Variants in EEFSEC observed in about 807,000 individuals in gnomAD.
EEFSEC encodes eukaryotic elongation factor, selenocysteine-tRNA specific.
A neutral mutation model predicts 42.1 loss-of-function variants in EEFSEC; 43 were observed. The ratio of observed to expected loss-of-function variants is 1.02; its 90% CI spans 0.80 to 1.32. The LOEUF (loss-of-function observed/expected upper bound fraction) is 1.32. Ranked by LOEUF, EEFSEC falls within the 40% of genes most tolerant of loss-of-function variation. The pLI, the probability that EEFSEC is intolerant of heterozygous loss-of-function variation, is 0.00. For synonymous variants in EEFSEC, 354 were observed against 339.1 expected, an observed-to-expected ratio of 1.04 and a Z score of -0.48; for missense variants, 745 against 803.6, an observed-to-expected ratio of 0.93 and a Z score of 0.88.
chr3:128,204,697 T>C (rs1168107616), intron 1 of EEFSEC, among the ~76,000 whole-genome samples: 1 of 152,064 alleles, frequency 6.6e-6, no homozygotes, highest in Non-Finnish European at 1.5e-5. Flanking sequence ...AGCAGCAGGA[T>C]GTGTGTTGGT....
In EEFSEC at chr3:128,246,835, G is replaced by T. The variant is rs199938947; in HGVS notation, c.317-1G>T. On this transcript the variant is annotated splice_acceptor_variant, in intron 1 of 6. Coordinates refer to ENST00000254730, the MANE Select transcript of EEFSEC (RefSeq NM_021937.5). LOFTEE classifies it high-confidence loss of function. ...TCTAACCTTCTCTTCTCTTATTCCA[G>T]GGGCCCAGATCATTGATCTGATGAT... 1 of 1,613,532 alleles carries T rather than the reference G, an allele frequency of 6.2e-7. No homozygotes were observed. Among genetic ancestry groups the T allele is most frequent in the African/African-American group, 1.3e-5 (1 of 75,018 alleles).
At chr3:128,391,252 T>C (rs2067909371) in intron 6 of EEFSEC, among the ~76,000 whole-genome samples, 2 of 152,276 alleles carry the variant, frequency 1.3e-5, no homozygotes. Flanking sequence ...AAGCAGTGGC[T>C]GGTGCTGTGC....
At chr3:128,262,669 G>C (rs112489363) in intron 3 of EEFSEC, among the ~76,000 whole-genome samples, 4 of 152,334 alleles carry the variant, frequency 2.6e-5, no homozygotes, top group African/African-American at 9.6e-5. Context: ...CAACAGCAGG[G>C]GCAATGCAGC....
intron 4 of EEFSEC, among the ~76,000 whole-genome samples, chr3:128,269,476 C>T (rs973686225): frequency 6.6e-6 from 1 of 152,238 alleles, no homozygotes; most frequent in Non-Finnish European, 1.5e-5. Context: ...TATTGGGCAC[C>T]GGGACATGGG....
In EEFSEC at chr3:128,357,461, G is replaced by A. The variant is rs1182051380; in HGVS notation, c.1444-756G>A. 2.6e-5 allele frequency among the ~76,000 whole-genome samples: 4 copies of A among 152,276 alleles called. No individual in the cohort carries two copies. In the East Asian group the frequency reaches 5.8e-4, roughly 22 times the overall value. ...AAAGACCTGGCCATGGCCAACAGGG[G>A]CCAGGGAAACGAGCAATTCTGCCTG... On this transcript the variant is annotated intron_variant, in intron 5 of 6. Transcript: ENST00000254730.
At chr3:128,227,849 T>G (rs1435359764) in intron 1 of EEFSEC, among the ~76,000 whole-genome samples, 1 of 152,198 alleles carries the variant, frequency 6.6e-6, no homozygotes, top group Admixed American at 6.5e-5. Flanking sequence ...TGGGGTCTTC[T>G]CCAAGTGGAT....
At chr3:128,379,351 G>A (rs1011468802) in intron 6 of EEFSEC, among the ~76,000 whole-genome samples, 14 of 152,188 alleles carry the variant, frequency 9.2e-5, no homozygotes, top group African/African-American at 2.7e-4. Flanking sequence ...GAACCCCATC[G>A]AAGAACTGTT....
At chr3:128,154,977 A>G (rs1316145740) in intron 1 of EEFSEC, among the ~76,000 whole-genome samples, 1 of 152,224 alleles carries the variant, frequency 6.6e-6, no homozygotes, top group Admixed American at 6.5e-5. Flanking sequence ...TTAATTATAC[A>G]TGTAATACAT....
At chr3:128,287,032 C>T (rs1304344522) in intron 4 of EEFSEC, among the ~76,000 whole-genome samples, 1 of 152,192 alleles carries the variant, frequency 6.6e-6, no homozygotes, top group Non-Finnish European at 1.5e-5. Flanking sequence ...TCACAGTTCA[C>T]CCTTACCACT....
intron 6 of EEFSEC, among the ~76,000 whole-genome samples, chr3:128,388,953 G>T (rs1368298164): frequency 2.0e-5 from 3 of 152,208 alleles, no homozygotes; most frequent in African/African-American, 7.2e-5. Context: ...CTGAGGAACT[G>T]CCTGGACTGT....
intron 6 of EEFSEC, among the ~76,000 whole-genome samples, chr3:128,406,291 C>T (rs943901911): frequency 5.9e-5 from 9 of 152,172 alleles, no homozygotes; most frequent in African/African-American, 2.2e-4. Context: ...ATCTCACTTA[C>T]ATGTGGTATC....
chr3:128,404,233 C>T (rs1305793404), intron 6 of EEFSEC, among the ~76,000 whole-genome samples: 1 of 152,238 alleles, frequency 6.6e-6, no homozygotes, highest in Non-Finnish European at 1.5e-5. Context: ...GTCCAGGTCT[C>T]CCTTTGGTCA....
chr3:128,372,172 G>A (rs2067661548), intron 6 of EEFSEC, among the ~76,000 whole-genome samples: 1 of 152,230 alleles, frequency 6.6e-6, no homozygotes, highest in African/African-American at 2.4e-5. Context: ...ATTTTAGGCA[G>A]TGGAAAGTGG....
intron 6 of EEFSEC, among the ~76,000 whole-genome samples, chr3:128,399,565 G>A (rs1284641848): frequency 6.6e-6 from 1 of 152,080 alleles, no homozygotes; most frequent in Admixed American, 6.5e-5. Context: ...TAGCTGGGAG[G>A]GAAGGAGAGA....
At chr3:128,360,704 T>G in intron 6 of EEFSEC, among the ~76,000 whole-genome samples, 3 of 136,462 alleles carry the variant, frequency 2.2e-5, no homozygotes, top group East Asian at 2.1e-4. Context: ...GGGGTAGGAG[T>G]GGAGGGAGCC....
chr3:128,238,510 C>T (rs558659088), intron 1 of EEFSEC, among the ~76,000 whole-genome samples: 5 of 152,172 alleles, frequency 3.3e-5, no homozygotes, highest in East Asian at 3.9e-4. Flanking sequence ...GGCTGTTATT[C>T]GGGGTTTTTT....
intron 4 of EEFSEC, among the ~76,000 whole-genome samples, chr3:128,294,391 AG>A (rs1244485678): frequency 6.6e-6 from 1 of 152,224 alleles, no homozygotes; most frequent in East Asian, 1.9e-4. Flanking sequence ...AGAGGGGAAA[AG>A]TGAATTAAGT....
intron 1 of EEFSEC, among the ~76,000 whole-genome samples, chr3:128,157,434 G>T (rs948506583): frequency 2.6e-5 from 4 of 152,236 alleles, no homozygotes; most frequent in African/African-American, 9.6e-5. Context: ...CTTATATGGA[G>T]AAGATGCTAT....
rs749352896 is a variant in EEFSEC, at chr3:128,341,320, C to T, written c.874C>T (p.Gln292Ter). 6.2e-7 allele frequency: 1 copy of T among 1,614,204 alleles called. No individual in the cohort carries two copies. Among genetic ancestry groups the T allele is most frequent in the Non-Finnish European group, 8.5e-7 (1 of 1,180,034 alleles). The change falls in exon 5 of 7, where the codon CAG becomes TAG. Residue 292 changes from glutamine to a stop codon, truncating the protein, a stop_gained. Coordinates refer to ENST00000254730, the MANE Select transcript of EEFSEC (RefSeq NM_021937.5). LOFTEE classifies it high-confidence loss of function. ...AGACCGGCTGGGCATCTGCGTCACCCAGTTTGACCCTAAGCTGCTGGAGCG... is the reference window on the plus strand; with the variant it reads ...AGACCGGCTGGGCATCTGCGTCACCTAGTTTGACCCTAAGCTGCTGGAGCG... ...QGDRLGICVT[Q>*]FDPKLLERGL... is the part of the protein sequence containing the mutation.
Sources: allele counts gnomAD v4.1 joint callset (sites outside exome capture counted in the v4.1 genomes callset), GRCh38; gene constraint gnomAD v4.1.1; transcripts MANE v1.5; gene names NCBI Gene and HGNC (gene_info 2026-07-23, HGNC 2026-07-21).